TXNDC8: variants seen among roughly 807,000 people sequenced by gnomAD.
TXNDC8 encodes the protein thioredoxin domain containing 8.
In TXNDC8, 15 loss-of-function variants were observed where a neutral mutation model predicts 12.9. The observed-to-expected ratio is 1.16, with a 90% CI of 0.78 to 1.79. TXNDC8 has a LOEUF of 1.79. Ranked by LOEUF, TXNDC8 falls within the 40% of genes most tolerant of loss-of-function variation. The pLI, the probability that TXNDC8 is intolerant of heterozygous loss-of-function variation, is 0.00. For missense variants in TXNDC8, 128 were observed against 113.2 expected (o/e 1.13, Z -0.59); for synonymous variants, 40 against 35.4 (o/e 1.13, Z -0.46).
At chr9:110,318,361 G>A (rs1587969076) in intron 3 of TXNDC8, among the ~76,000 whole-genome samples, 1 of 152,162 alleles carries the variant, frequency 6.6e-6, no homozygotes, top group Admixed American at 6.5e-5. Flanking sequence ...AAGTCCTTCT[G>A]GTGAATCACC....
intron 3 of TXNDC8, among the ~76,000 whole-genome samples, chr9:110,310,410 A>G (rs1273094499): frequency 6.6e-6 from 1 of 152,194 alleles, no homozygotes; most frequent in Non-Finnish European, 1.5e-5. Context: ...TTAGCTGACA[A>G]CTGTCTAGGG....
chr9:110,331,770 C>T lies in TXNDC8; in HGVS notation c.129+2446G>A, dbSNP rs1343770094. On this transcript the variant is annotated intron_variant, in intron 2 of 4. Transcript: ENST00000423740. ...TGCAATTCACAATAGGGTTTGCACT[C>T]CTATGAAAACCTAATGCTGCCGCTA... 2.0e-5 allele frequency among the ~76,000 whole-genome samples: 3 copies of T among 152,120 alleles called. No individual in the cohort carries two copies. In the South Asian group the frequency reaches 6.2e-4, roughly 32 times the overall value.
intron 3 of TXNDC8, among the ~76,000 whole-genome samples, chr9:110,311,555 A>C (rs1383738902): frequency 2.3e-5 from 3 of 130,744 alleles, no homozygotes; most frequent in Admixed American, 8.0e-5. Flanking sequence ...ATATATATAT[A>C]TATCTCCATA....
chr9:110,303,551 T>C lies in TXNDC8; in HGVS notation c.*131A>G. 1 of 1,530,430 alleles carries C rather than the reference T, an allele frequency of 6.5e-7. No individual in the cohort carries two copies. Among genetic ancestry groups the C allele is most frequent in the South Asian group, 1.2e-5 (1 of 83,804 alleles). The allele number at this position is 1,530,430 out of a possible 1,614,324, so 94.8% of individuals were successfully genotyped here. On this transcript the variant is annotated 3_prime_UTR_variant, in exon 5 of 5. Transcript: ENST00000423740. The stretch of plus-strand genomic sequence containing the variant: ...TTAATTCTTGAGTCTTGGCTTCCAA[T>C]TTTTTAGCATCGGCTCCACAAAACT...
At chr9:110,326,056 T>C (rs564034113) in intron 3 of TXNDC8, 119 bp downstream of exon 4, 17 of 942,680 alleles carry the variant, frequency 1.8e-5, no homozygotes, top group Admixed American at 6.3e-5. Context: ...GAGAATTATA[T>C]TGGTAAGCAT....
rs560976162 is a variant in TXNDC8, at chr9:110,331,794, T to C, written c.129+2422A>G. 8.5e-5 allele frequency among the ~76,000 whole-genome samples: 13 copies of C among 152,216 alleles called. No individual in the cohort carries two copies. The South Asian group carries it at 2.7e-3, about 32-fold the overall frequency. On this transcript the variant is annotated intron_variant, in intron 2 of 4. Coordinates refer to ENST00000423740, the MANE Select transcript of TXNDC8 (RefSeq NM_001286946.2). ...TCCTATGAAAACCTAATGCTGCCGC[T>C]AATATAACAGGAGGCAGAGCTCAGG...
chr9:110,307,861 A>G (rs749246916), intron 3 of TXNDC8, among the ~76,000 whole-genome samples: 4 of 152,180 alleles, frequency 2.6e-5, no homozygotes, highest in Non-Finnish European at 5.9e-5. Flanking sequence ...ATATCTCCCT[A>G]ACATGTATAA....
intron 3 of TXNDC8, among the ~76,000 whole-genome samples, chr9:110,305,414 C>T (rs1322297916): frequency 6.6e-6 from 1 of 152,042 alleles, no homozygotes; most frequent in African/African-American, 2.4e-5. Flanking sequence ...TGTTCTTGTC[C>T]ATATCTTTGT....
intron 1 of TXNDC8, among the ~76,000 whole-genome samples, chr9:110,337,059 T>G (rs1019915726): frequency 2.0e-5 from 3 of 152,246 alleles, no homozygotes; most frequent in African/African-American, 7.2e-5. Context: ...TCTTTCAATC[T>G]GGTCAGTGTC....
intron 3 of TXNDC8, among the ~76,000 whole-genome samples, chr9:110,311,143 C>T (rs978257026): frequency 3.9e-5 from 6 of 152,150 alleles, no homozygotes; most frequent in Admixed American, 3.9e-4. Flanking sequence ...TAGGTCAGAT[C>T]TGTTTCACTG....
intron 2 of TXNDC8, among the ~76,000 whole-genome samples, 188 bp downstream of exon 3, chr9:110,329,041 CTTT>C (rs372344288): frequency 6.6e-6 from 1 of 151,354 alleles, no homozygotes; most frequent in African/African-American, 2.4e-5. Flanking sequence ...TCTTGCTAAT[CTTT>C]TTTTTTGTTT....
At chr9:110,305,731 T>A (rs570385695) in intron 3 of TXNDC8, among the ~76,000 whole-genome samples, 1 of 96,816 alleles carries the variant, frequency 1.0e-5, no homozygotes, top group Non-Finnish European at 2.3e-5. Flanking sequence ...CTTTCTTTCC[T>A]GTTTCTTTCT....
At chr9:110,334,981 A>C (rs867849076) in intron 1 of TXNDC8, among the ~76,000 whole-genome samples, 1 of 152,218 alleles carries the variant, frequency 6.6e-6, no homozygotes, top group South Asian at 2.1e-4. Flanking sequence ...TGAATTTCCC[A>C]TCAACTGTTT....
chr9:110,316,157 C>T (rs1838879427), intron 3 of TXNDC8, among the ~76,000 whole-genome samples: 1 of 151,726 alleles, frequency 6.6e-6, no homozygotes, highest in South Asian at 2.1e-4. Flanking sequence ...TCAAAGTGAT[C>T]TGCCTGCCTC....
At chr9:110,320,900 T>C (rs192826541) in intron 3 of TXNDC8, among the ~76,000 whole-genome samples, 16 of 152,318 alleles carry the variant, frequency 1.1e-4, no homozygotes, top group Admixed American at 8.5e-4. Context: ...AGGAACAAGC[T>C]CCCCTTATTT....
chr9:110,325,952 A>G (rs542029938), intron 3 of TXNDC8, among the ~76,000 whole-genome samples: 1 of 152,344 alleles, frequency 6.6e-6, no homozygotes, highest in East Asian at 1.9e-4. Flanking sequence ...GATGGTCTGA[A>G]TGGGGAGATT....
At chr9:110,302,635 T>G (rs960123009), downstream of TXNDC8, among the ~76,000 whole-genome samples, 12 of 125,304 alleles carry the variant, frequency 9.6e-5, no homozygotes, top group Admixed American at 6.4e-4. Flanking sequence ...GTTAGCTCAG[T>G]TTTTTTTTTT....
chr9:110,310,706 T>C (rs573845657), intron 3 of TXNDC8, among the ~76,000 whole-genome samples: 1 of 152,358 alleles, frequency 6.6e-6, no homozygotes, highest in Non-Finnish European at 1.5e-5. Context: ...AAGCTAGCTT[T>C]AAAATTATTG....
At chr9:110,315,813 A>C (rs1433190608) in intron 3 of TXNDC8, among the ~76,000 whole-genome samples, 2 of 117,528 alleles carry the variant, frequency 1.7e-5, no homozygotes, top group Admixed American at 8.5e-5. Context: ...GTGCCCAGCC[A>C]CAAGACACTT....
Sources: allele counts gnomAD v4.1 joint callset (sites outside exome capture counted in the v4.1 genomes callset), GRCh38; gene constraint gnomAD v4.1.1; transcripts MANE v1.5; gene names NCBI Gene and HGNC (gene_info 2026-07-23, HGNC 2026-07-21).